Variants in MAPKAPK5 observed in about 807,000 individuals in gnomAD.
MAPKAPK5 encodes the protein MAP kinase-activated protein kinase 5.
A neutral mutation model predicts 65.1 loss-of-function variants in MAPKAPK5; 30 were observed. The observed-to-expected ratio is 0.46, with a 90% CI of 0.34 to 0.63. The LOEUF is 0.63. Among genes scored for constraint, MAPKAPK5 ranks in the 20% least tolerant of loss-of-function variants. The pLI, the probability that MAPKAPK5 is intolerant of heterozygous loss-of-function variation, is 0.01. For missense variants in MAPKAPK5, 433 were observed against 581.4 expected, an observed-to-expected ratio of 0.74 and a Z score of 2.63; for synonymous variants, 179 against 204.6, an observed-to-expected ratio of 0.87 and a Z score of 1.07.
intron 7 of MAPKAPK5, among the ~76,000 whole-genome samples, chr12:111,875,403 A>T (rs1215685717): frequency 5.3e-5 from 8 of 151,832 alleles, no homozygotes; most frequent in Admixed American, 4.6e-4. Context: ...ATTTAAAAAA[A>T]ATTTTTTTAA....
intron 1 of MAPKAPK5, among the ~76,000 whole-genome samples, chr12:111,850,016 G>A (rs561925696): frequency 2.7e-5 from 4 of 150,074 alleles, no homozygotes; most frequent in South Asian, 2.1e-4. Context: ...GAACCACCAC[G>A]ACTGGTTGTG....
intron 1 of MAPKAPK5, among the ~76,000 whole-genome samples, chr12:111,858,599 A>G (rs1407738285): frequency 7.4e-6 from 1 of 135,852 alleles, no homozygotes; most frequent in Non-Finnish European, 1.5e-5. Context: ...GCTGGAGTGC[A>G]GTGGTGCGAT....
chr12:111,862,083 A>G (rs2136097605), intron 1 of MAPKAPK5, among the ~76,000 whole-genome samples: 1 of 147,048 alleles, frequency 6.8e-6, no homozygotes, highest in East Asian at 1.9e-4. Context: ...ATGCCTTCCT[A>G]CCTTCTCCTT....
At chr12:111,882,174 A>G (rs1022726473) in intron 8 of MAPKAPK5, among the ~76,000 whole-genome samples, 1 of 152,100 alleles carries the variant, frequency 6.6e-6, no homozygotes, top group African/African-American at 2.4e-5. Flanking sequence ...AGGTCAGGAG[A>G]TCGAGACCAT....
chr12:111,874,255 C>T (rs911952607), intron 7 of MAPKAPK5, among the ~76,000 whole-genome samples: 14 of 151,708 alleles, frequency 9.2e-5, no homozygotes, highest in African/African-American at 2.4e-4. Flanking sequence ...ATTTGCTGGG[C>T]GTAGTAGCCG....
At position 111,867,746 on chromosome 12, in the gene MAPKAPK5, CTCCCTCCCCT is replaced by C. The variant is rs2069659502; in HGVS notation, c.284+84_284+93del. ...GTGGAGCTGTCCTCTCTTTTATGTG[CTCCCTCCCCT>C]TCCCTCTCCTTCTTCCTCCTACCCT... is the stretch of plus-strand genomic sequence containing the variant. On this transcript the variant is annotated intron_variant, in intron 4 of 13. Coordinates refer to ENST00000550735, the MANE Select transcript of MAPKAPK5 (RefSeq NM_003668.4). 24 of 1,058,938 alleles carry C rather than the reference CTCCCTCCCCT, an allele frequency of 2.3e-5. No individual in the cohort carries two copies. The South Asian group carries it at 2.9e-4, about 13-fold the overall frequency. The allele number at this position is 1,058,938 out of a possible 1,614,324, so 65.6% of individuals were successfully genotyped here.
In MAPKAPK5 at chr12:111,842,304, C is replaced by CGCGGCGGTGCAG. The variant is rs1239018601; in HGVS notation, c.-422_-411dup. 6.5e-6 allele frequency: 1 copy of CGCGGCGGTGCAG among 153,838 alleles called. No homozygotes were observed. The highest frequency in any genetic ancestry group is 2.4e-5 in the African/African-American group (1 of 40,988). The allele number at this position is 153,838 out of a possible 1,614,324, so 9.5% of individuals were successfully genotyped here. On this transcript the variant is annotated 5_prime_UTR_variant, in exon 1 of 14. Transcript: ENST00000550735. ...TCTGCTTCGGCTTCGGCTTCGGCTT[C>CGCGGCGGTGCAG]GCGGCGGTGCAGGCGGCGGAGGCGG...
At chr12:111,882,862 A>C (rs35115117) in intron 8 of MAPKAPK5, 582 of 985,082 alleles carry the variant, frequency 5.9e-4, no homozygotes, top group Non-Finnish European at 6.9e-4. Context: ...AGGTGAGCCT[A>C]CCTGTCTCTT....
At chr12:111,858,597 G>A (rs2069324454) in intron 1 of MAPKAPK5, among the ~76,000 whole-genome samples, 1 of 141,572 alleles carries the variant, frequency 7.1e-6, no homozygotes, top group African/African-American at 2.7e-5. Flanking sequence ...AGGCTGGAGT[G>A]CAGTGGTGCG....
intron 1 of MAPKAPK5, among the ~76,000 whole-genome samples, chr12:111,864,149 C>T (rs2069530056): frequency 6.6e-6 from 1 of 151,844 alleles, no homozygotes; most frequent in South Asian, 2.1e-4. Context: ...GTGGTGTGTG[C>T]CTGTTTTCCT....
At chr12:111,853,759 T>C (rs1198055575) in intron 1 of MAPKAPK5, among the ~76,000 whole-genome samples, 3 of 152,164 alleles carry the variant, frequency 2.0e-5, no homozygotes, top group African/African-American at 7.2e-5. Context: ...GGTCTCGAAC[T>C]CCTGACCTCA....
At chr12:111,863,249 C>T (rs1458986396) in intron 1 of MAPKAPK5, among the ~76,000 whole-genome samples, 1 of 152,150 alleles carries the variant, frequency 6.6e-6, no homozygotes, top group African/African-American at 2.4e-5. Flanking sequence ...GTTTGTATAG[C>T]GATCTTTTGG....
intron 7 of MAPKAPK5, chr12:111,879,310 T>C (rs1285347631): frequency 6.6e-6 from 1 of 152,136 alleles, no homozygotes; most frequent in Non-Finnish European, 1.5e-5. Flanking sequence ...TTAACTCACT[T>C]TGTTGTTCTT....
At chr12:111,858,543 T>TG (rs1365380042) in intron 1 of MAPKAPK5, among the ~76,000 whole-genome samples, 1 of 149,756 alleles carries the variant, frequency 6.7e-6, no homozygotes, top group Admixed American at 6.6e-5. Context: ...AGCACCTCTT[T>TG]TTTTTTTTTT....
chr12:111,874,264 C>T (rs1289831746), intron 7 of MAPKAPK5, among the ~76,000 whole-genome samples: 1 of 151,150 alleles, frequency 6.6e-6, no homozygotes, highest in Non-Finnish European at 1.5e-5. Flanking sequence ...GCGTAGTAGC[C>T]GGTGCCTGTA....
At chr12:111,881,910 G>T (rs1263189754) in intron 8 of MAPKAPK5, among the ~76,000 whole-genome samples, 9 of 152,178 alleles carry the variant, frequency 5.9e-5, no homozygotes, top group Admixed American at 5.9e-4. Flanking sequence ...ACATTGGTGA[G>T]GTCACTTGGT....
chr12:111,843,182 C>A (rs776988423), intron 1 of MAPKAPK5: 8 of 398,532 alleles, frequency 2.0e-5, no homozygotes, highest in Non-Finnish European at 3.5e-5. Flanking sequence ...TGTTTGAAAT[C>A]AGCCTTCTGG....
chr12:111,885,886 A>G (rs768675179), intron 9 of MAPKAPK5, 30 bp from the exon 10 acceptor site: 3 of 1,613,750 alleles, frequency 1.9e-6, no homozygotes, highest in South Asian at 1.1e-5. Flanking sequence ...GCAACTGTGC[A>G]TGGCAGCCCT....
In MAPKAPK5 at chr12:111,868,733, A is replaced by T; in HGVS notation, c.285-20A>T. On this transcript the variant is annotated intron_variant, in intron 4 of 13. Transcript: ENST00000550735. ...CTTTTTTTTTTTTTTAACTTAACAA[A>T]ATCAAATGCTTTCAAACAGGGCCCG... 6.6e-7 allele frequency: 1 copy of T among 1,508,646 alleles called. No individual in the cohort carries two copies. 93.5% of individuals were successfully genotyped at this position (1,508,646 alleles called of 1,614,324 possible).
Sources: allele counts gnomAD v4.1 joint callset (sites outside exome capture counted in the v4.1 genomes callset), GRCh38; gene constraint gnomAD v4.1.1; transcripts MANE v1.5; gene names NCBI Gene and HGNC (gene_info 2026-07-23, HGNC 2026-07-21).